ZNF469: variants seen among roughly 807,000 people sequenced by gnomAD.
The protein encoded by ZNF469 is zinc finger protein 469.
A neutral mutation model predicts 1.0 loss-of-function variants in ZNF469; 1 was observed. The ratio of observed to expected loss-of-function variants is 1.00; its 90% CI spans 0.35 to 4.73. ZNF469 has a LOEUF of 4.73. Ranked by LOEUF, ZNF469 falls within the 30% of genes most tolerant of loss-of-function variation. The pLI, the probability that ZNF469 is intolerant of heterozygous loss-of-function variation, is 0.16. For missense variants in ZNF469, 6,100 were observed against 5,356.3 expected, an observed-to-expected ratio of 1.14 and a Z score of -4.33; for synonymous variants, 2,703 against 2,363.4, an observed-to-expected ratio of 1.14 and a Z score of -4.17.
the ZNF469 span, among the ~76,000 whole-genome samples, chr16:88,145,341 C>A: frequency 1.3e-5 from 2 of 152,202 alleles, no homozygotes; most frequent in African/African-American, 2.4e-5. Flanking sequence ...AACACCACGG[C>A]CCCTCGTGCT....
the ZNF469 span, among the ~76,000 whole-genome samples, chr16:88,115,705 G>A: frequency 9.5e-3 from 1,427 of 150,370 alleles, 23 homozygotes; most frequent in African/African-American, 0.032. Flanking sequence ...TCCCTCTGGG[G>A]GCTCTGGGTC....
At chr16:88,161,314 T>C in the ZNF469 span, among the ~76,000 whole-genome samples, 3,835 of 152,134 alleles carry the variant, frequency 0.025, 127 homozygotes, top group East Asian at 0.16. Flanking sequence ...GGCGGAAATA[T>C]TCTCCCTAAA....
At chr16:88,205,007 C>T in the ZNF469 span, among the ~76,000 whole-genome samples, 1 of 152,108 alleles carries the variant, frequency 6.6e-6, no homozygotes, top group Non-Finnish European at 1.5e-5. This position sits in a 1 kb window ranked among gnomAD's most constrained non-coding sequence, Gnocchi z 4.2. Context: ...TCAGTGCTCG[C>T]GTTAAGGGGC....
the ZNF469 span, among the ~76,000 whole-genome samples, chr16:88,229,219 A>G: frequency 6.6e-6 from 1 of 152,194 alleles, no homozygotes; most frequent in Non-Finnish European, 1.5e-5. Context: ...TTTCTCGAGA[A>G]AAAAAACAAC....
At chr16:88,159,782 G>T in the ZNF469 span, among the ~76,000 whole-genome samples, 11 of 152,072 alleles carry the variant, frequency 7.2e-5, no homozygotes, top group African/African-American at 1.4e-4. Flanking sequence ...AGACACATGG[G>T]CAGCCATCTC....
At chr16:88,418,272 T>A (rs1215324868) in intron 1 of ZNF469, among the ~76,000 whole-genome samples, 1 of 151,940 alleles carries the variant, frequency 6.6e-6, no homozygotes, top group Non-Finnish European at 1.5e-5. Flanking sequence ...CAGGGAGGGC[T>A]TCCTGGAGGA....
chr16:88,259,214 G>C, the ZNF469 span, among the ~76,000 whole-genome samples: 1 of 152,216 alleles, frequency 6.6e-6, no homozygotes, highest in African/African-American at 2.4e-5. The surrounding 1 kb of genome is among the most constrained non-coding windows in gnomAD (Gnocchi z 4.1). Context: ...TTGTGAGTGG[G>C]AAGCAGTGGG....
the ZNF469 span, among the ~76,000 whole-genome samples, chr16:88,189,737 T>C: frequency 1.3e-3 from 193 of 152,246 alleles, 4 homozygotes; most frequent in South Asian, 0.031. This position sits in a 1 kb window ranked among gnomAD's most constrained non-coding sequence, Gnocchi z 4.3. Context: ...CTGGCCAACA[T>C]GATGAAACTG....
the ZNF469 span, among the ~76,000 whole-genome samples, chr16:88,359,562 G>A: frequency 1.3e-5 from 2 of 152,168 alleles, no homozygotes; most frequent in East Asian, 1.9e-4. Flanking sequence ...GTTGGCTATC[G>A]GGATAGCCTT....
the ZNF469 span, among the ~76,000 whole-genome samples, chr16:88,260,867 G>A: frequency 3.3e-5 from 5 of 152,136 alleles, no homozygotes; most frequent in Admixed American, 6.5e-5. The surrounding 1 kb of genome is among the most constrained non-coding windows in gnomAD (Gnocchi z 4.1). Context: ...AGGAGGTCCC[G>A]ATAAGAGGGA....
At chr16:88,128,317 G>A in the ZNF469 span, among the ~76,000 whole-genome samples, 4 of 152,146 alleles carry the variant, frequency 2.6e-5, no homozygotes, top group African/African-American at 9.7e-5. Flanking sequence ...GGCTGGTGCA[G>A]CCCTCTCCAA....
chr16:88,377,256 G>A, the ZNF469 span, among the ~76,000 whole-genome samples: 1 of 152,246 alleles, frequency 6.6e-6, no homozygotes, highest in Admixed American at 6.5e-5. Context: ...ACTTCCCAGG[G>A]GAGGGGCGTT....
At chr16:88,277,533 G>C in the ZNF469 span, among the ~76,000 whole-genome samples, 1 of 150,326 alleles carries the variant, frequency 6.7e-6, no homozygotes, top group Non-Finnish European at 1.5e-5. Flanking sequence ...CACGGTTAGT[G>C]CTGCGCCACG....
At chr16:88,210,795 C>G in the ZNF469 span, among the ~76,000 whole-genome samples, 1,371 of 152,316 alleles carry the variant, frequency 9.0e-3, 31 homozygotes, top group African/African-American at 0.031. Flanking sequence ...GTGTATCGGT[C>G]CCACACTTTT....
chr16:88,226,458 C>G, the ZNF469 span, among the ~76,000 whole-genome samples: 2 of 152,218 alleles, frequency 1.3e-5, no homozygotes, highest in Admixed American at 1.3e-4. Context: ...GGGAAGGGAG[C>G]AGACCCTTCC....
the ZNF469 span, among the ~76,000 whole-genome samples, chr16:88,144,467 A>C: frequency 6.6e-6 from 1 of 152,218 alleles, no homozygotes; most frequent in African/African-American, 2.4e-5. Context: ...GGAGGACATC[A>C]CGTCCCTCCA....
chr16:88,412,553 C>T (rs984311511), intron 1 of ZNF469, among the ~76,000 whole-genome samples: 1 of 152,242 alleles, frequency 6.6e-6, no homozygotes, highest in Admixed American at 6.5e-5. Context: ...CAGACCCAGC[C>T]ATAGAGCCAG....
chr16:88,290,562 A>G, the ZNF469 span, among the ~76,000 whole-genome samples: 1 of 152,160 alleles, frequency 6.6e-6, no homozygotes, highest in Non-Finnish European at 1.5e-5. Context: ...CTATTCCTTT[A>G]TATACAATTC....
At chr16:88,243,574 T>C in the ZNF469 span, among the ~76,000 whole-genome samples, 22 of 152,088 alleles carry the variant, frequency 1.4e-4, no homozygotes, top group Non-Finnish European at 5.9e-5. Context: ...GTAGAGCATC[T>C]CCTTCAACCC....
Sources: gnomAD v4.1 joint callset for allele counts (sites outside exome capture counted in the v4.1 genomes callset) on GRCh38, gnomAD v4.1.1 for gene constraint, Gnocchi (gnomAD v3.1) non-coding constraint, MANE v1.5 for transcripts, NCBI Gene and HGNC (gene_info 2026-07-23, HGNC 2026-07-21) for gene names.